The following LRRCC1 variants were observed in gnomAD, a reference collection of about 807,000 sequenced individuals.
LRRCC1 encodes the protein leucine-rich repeat and coiled-coil domain-containing protein 1.
Under a neutral mutation model 126.0 loss-of-function variants are expected in LRRCC1, and 115 were observed. The ratio of observed to expected loss-of-function variants is 0.91; its 90% CI spans 0.78 to 1.07. The LOEUF (loss-of-function observed/expected upper bound fraction) is 1.07. Among genes scored for constraint, LRRCC1 ranks in the 50% least tolerant of loss-of-function variants. The pLI, the probability that LRRCC1 is intolerant of heterozygous loss-of-function variation, is 0.00. For synonymous variants in LRRCC1, 400 were observed against 393.4 expected, an observed-to-expected ratio of 1.02 and a Z score of -0.20; for missense variants, 1,172 against 1,175.7, an observed-to-expected ratio of 1.00 and a Z score of 0.05.
At chr8:85,139,566 G>A (rs1438183905) in intron 17 of LRRCC1, among the ~76,000 whole-genome samples, 3 of 152,052 alleles carry the variant, frequency 2.0e-5, no homozygotes, top group Non-Finnish European at 4.4e-5. Flanking sequence ...ACGCCCGGCC[G>A]AGAGCCGATT....
chr8:85,129,099 A>T, intron 9 of LRRCC1, 76 bp from the exon 10 acceptor site: 1 of 1,008,740 alleles, frequency 9.9e-7, no homozygotes, highest in Non-Finnish European at 1.5e-6. Context: ...TTCAGAGAGT[A>T]CTCTCATTGA....
chr8:85,111,341 C>T (rs946041987), intron 3 of LRRCC1, among the ~76,000 whole-genome samples: 5 of 152,186 alleles, frequency 3.3e-5, no homozygotes, highest in Admixed American at 6.5e-5. Flanking sequence ...CGCAGCATTG[C>T]ACTCCAGCCT....
chr8:85,137,836 AATT>A (rs1383471335), intron 15 of LRRCC1, among the ~76,000 whole-genome samples, 196 bp from the exon 16 acceptor site: 2 of 152,184 alleles, frequency 1.3e-5, no homozygotes, highest in Non-Finnish European at 2.9e-5. Context: ...TATACTTCAG[AATT>A]TAATGGAGAA....
rs747455750 is a variant in LRRCC1 at position 85,145,397 on chromosome 8, A to G, written c.2985A>G (p.Gln995=). ...CIDSANLKVH[Q]IEKEMRELLE... is the part of the protein sequence containing the mutation. ...TTTACATGTCGATTTAGGTCCATCA[A>G]ATTGAAAAAGAAATGCGTGAACTTT... The change falls in exon 19 of 19, where the codon CAA becomes CAG. Residue 995 remains glutamine (Q), a synonymous_variant. Transcript: ENST00000360375. 3.9e-6 allele frequency: 6 copies of G among 1,541,146 alleles called. No individual in the cohort carries two copies. Among genetic ancestry groups the G allele is most frequent in the Admixed American group, 2.1e-5 (1 of 47,118 alleles).
At position 85,138,464 on chromosome 8, in the gene LRRCC1, T is replaced by C. The variant is rs1811030462; in HGVS notation, c.2829T>C (p.Ile943=). ...KKLKAERDKS[I]ELQKNAMEKL... ...TTAAAGCGGAAAGAGACAAAAGTAT[T>C]GAACTACAAAAGTAAGCATTAGGTT... The change falls in exon 17 of 19, where the codon ATT becomes ATC. Residue 943 remains isoleucine (I), a synonymous_variant. Coordinates refer to ENST00000360375, the MANE Select transcript of LRRCC1 (RefSeq NM_033402.5). 6.2e-7 allele frequency: 1 copy of C among 1,609,736 alleles called. No individual in the cohort carries two copies.
intron 4 of LRRCC1, among the ~76,000 whole-genome samples, chr8:85,113,368 TA>T (rs1262946825): frequency 6.6e-6 from 1 of 152,126 alleles, no homozygotes; most frequent in Non-Finnish European, 1.5e-5. Context: ...TATATTCTTT[TA>T]ATAATAGTAT....
rs547087694 is a variant in LRRCC1 at position 85,134,905 on chromosome 8, T to C, written c.2027T>C (p.Ile676Thr). ...TTAGCAAAGAGCAAACATGCTCTTATTTGGGCTCAACGAAAAGAAAATGAG... is the reference window on the plus strand; with the variant it reads ...TTAGCAAAGAGCAAACATGCTCTTACTTGGGCTCAACGAAAAGAAAATGAG... ...TELAKSKHAL[I>T]WAQRKENESS... Residue 676 changes from isoleucine to threonine, a missense_variant, in exon 13 of 19, where the codon ATT becomes ACT. Coordinates refer to ENST00000360375, the MANE Select transcript of LRRCC1 (RefSeq NM_033402.5). The C allele has an allele frequency of 6.3e-7, 1 of 1,598,786 alleles. No homozygotes were observed. Among genetic ancestry groups the C allele is most frequent in the East Asian group, 2.3e-5 (1 of 44,128 alleles).
intron 17 of LRRCC1, among the ~76,000 whole-genome samples, chr8:85,138,680 T>C (rs1443100268): frequency 6.6e-6 from 1 of 152,198 alleles, no homozygotes; most frequent in East Asian, 1.9e-4. Flanking sequence ...TTGATATATA[T>C]GTGTGTATTT....
intron 1 of LRRCC1, 81 bp downstream of exon 1, chr8:85,107,480 T>G: frequency 8.1e-7 from 1 of 1,229,610 alleles, no homozygotes; most frequent in Non-Finnish European, 1.1e-6. Flanking sequence ...GACACCAGAG[T>G]GGAGGCGCGG....
Position 85,145,573 on chromosome 8 carries a change from A to T in LRRCC1, c.*62A>T. On this transcript the variant is annotated 3_prime_UTR_variant, in exon 19 of 19. Transcript: ENST00000360375. ...AGACCTATTGTAAAAATGATTAAATATTGTAATAGTAGTAACTGCTATGAC... is the reference window on the plus strand; with the variant it reads ...AGACCTATTGTAAAAATGATTAAATTTTGTAATAGTAGTAACTGCTATGAC... 1 of 1,383,298 alleles carries T rather than the reference A, an allele frequency of 7.2e-7. No individual in the cohort carries two copies. The highest frequency in any genetic ancestry group is 9.8e-7 in the Non-Finnish European group (1 of 1,025,362). The allele number at this position is 1,383,298 out of a possible 1,614,324, so 85.7% of individuals were successfully genotyped here. A position where few individuals can be genotyped will look rare whatever the true frequency, so the allele number is the denominator to read the frequency against.
intron 18 of LRRCC1, 21 bp from the exon 19 acceptor site, chr8:85,145,368 A>C (rs199753616): frequency 7.9e-5 from 113 of 1,429,190 alleles, no homozygotes; most frequent in Non-Finnish European, 1.0e-4. Context: ...ATTAAAATGT[A>C]AAATTTACAT....
chr8:85,131,848 G>T lies in LRRCC1; in HGVS notation c.1855G>T (p.Glu619Ter). 3 of 1,613,728 alleles carry T rather than the reference G, an allele frequency of 1.9e-6. No individual in the cohort carries two copies. The highest frequency in any genetic ancestry group is 2.5e-6 in the Non-Finnish European group (3 of 1,179,828). The change falls in exon 12 of 19, where the codon GAG (glutamate) becomes TAG (stop). Residue 619 changes from glutamate (E) to a stop codon, truncating the protein, a stop_gained. Coordinates refer to ENST00000360375, the MANE Select transcript of LRRCC1 (RefSeq NM_033402.5). LOFTEE classifies it high-confidence loss of function. Reference sequence around the variant, plus strand: ...AATAGCCAAAGAAGAGAAAAAGCATGAGCAAATGATAAAAGAATACCAAGA... The same window carrying T: ...AATAGCCAAAGAAGAGAAAAAGCATTAGCAAATGATAAAAGAATACCAAGA... ...KEIAKEEKKH[E>*]QMIKEYQEKI...
chr8:85,145,032 A>G (rs1175087103), intron 18 of LRRCC1, among the ~76,000 whole-genome samples: 1 of 150,378 alleles, frequency 6.6e-6, no homozygotes, highest in Non-Finnish European at 1.5e-5. Context: ...GTGAGCTGAG[A>G]TCGCACCACT....
intron 13 of LRRCC1, 31 bp downstream of exon 13, chr8:85,135,063 A>AT (rs1374624162): frequency 7.2e-7 from 1 of 1,393,720 alleles, no homozygotes; most frequent in Middle Eastern, 2.4e-4. Flanking sequence ...ATGTTTTAAA[A>AT]TTTTTTTACA....
intron 1 of LRRCC1, 166 bp downstream of exon 1, chr8:85,107,565 A>C (rs755141616): frequency 1.6e-5 from 9 of 561,536 alleles, no homozygotes; most frequent in Non-Finnish European, 2.4e-5. Flanking sequence ...TTACCTGCCG[A>C]AGTGCCAGGT....
At chr8:85,143,988 AAACAGAAAAATGGTCATATTGGT>A (rs1403645192) in intron 18 of LRRCC1, among the ~76,000 whole-genome samples, 1 of 152,196 alleles carries the variant, frequency 6.6e-6, no homozygotes, top group African/African-American at 2.4e-5. Flanking sequence ...AGCATGAAGT[AAACAGAAAAATGGTCATATTGGT>A]AACATTATCA....
At chr8:85,108,349 A>G (rs1808429000) in intron 1 of LRRCC1, among the ~76,000 whole-genome samples, 1 of 152,238 alleles carries the variant, frequency 6.6e-6, no homozygotes, top group African/African-American at 2.4e-5. Flanking sequence ...TATATACATT[A>G]TCAGTAATCC....
intron 10 of LRRCC1, 60 bp downstream of exon 10, chr8:85,129,439 G>A (rs985240684): frequency 1.7e-5 from 24 of 1,384,550 alleles, no homozygotes; most frequent in South Asian, 1.0e-4. Context: ...AGCTTCTATC[G>A]TGAAACAAAT....
At chr8:85,108,322 A>G (rs897331659) in intron 1 of LRRCC1, among the ~76,000 whole-genome samples, 5 of 152,382 alleles carry the variant, frequency 3.3e-5, no homozygotes, top group East Asian at 3.9e-4. Context: ...ACTGAATGCT[A>G]TCTGTTGTGT....
Sources: gnomAD v4.1 joint callset for allele counts (sites outside exome capture counted in the v4.1 genomes callset) on GRCh38, gnomAD v4.1.1 for gene constraint, MANE v1.5 for transcripts, NCBI Gene and HGNC (gene_info 2026-07-23, HGNC 2026-07-21) for gene names.